Variants in KLC1 observed in about 807,000 individuals in gnomAD.
KLC1 encodes the protein kinesin 2 60/70kDa.
A neutral mutation model predicts 84.2 loss-of-function variants in KLC1; 30 were observed. That is an observed-to-expected ratio of 0.36 (90% CI 0.27 to 0.48). The LOEUF (loss-of-function observed/expected upper bound fraction) is 0.48, where lower values mean the gene tolerates loss of function less well. KLC1 is among the 20% of genes least tolerant of loss of function. The pLI is 0.99. For missense variants in KLC1, 499 were observed against 805.4 expected, an observed-to-expected ratio of 0.62 and a Z score of 4.60; for synonymous variants, 289 against 293.3, an observed-to-expected ratio of 0.99 and a Z score of 0.15.
intron 15 of KLC1, chr14:103,696,093 C>CGGGGGGGGG (rs1189283194): frequency 6.2e-5 from 8 of 129,306 alleles, no homozygotes; most frequent in South Asian, 3.2e-4. Flanking sequence ...AATCACTGCG[C>CGGGGGGGGG]CCCCGCCCCC....
chr14:103,697,603 G>A (rs2082661926), intron 15 of KLC1: 1 of 152,232 alleles, frequency 6.6e-6, no homozygotes, highest in South Asian at 2.1e-4. Flanking sequence ...ACAGCAAGAA[G>A]CAGGTCCTGG....
intron 1 of KLC1, among the ~76,000 whole-genome samples, chr14:103,648,453 G>T (rs1219469033): frequency 6.6e-6 from 1 of 152,036 alleles, no homozygotes. Flanking sequence ...CTCAGAATGT[G>T]GTAGTACGAA....
At chr14:103,681,865 T>G (rs1448941973) in intron 13 of KLC1, among the ~76,000 whole-genome samples, 1 of 152,238 alleles carries the variant, frequency 6.6e-6, no homozygotes, top group Non-Finnish European at 1.5e-5. Context: ...TTGTCTGATT[T>G]AAATATTAAC....
intron 1 of KLC1, among the ~76,000 whole-genome samples, chr14:103,643,234 C>T (rs1267605825): frequency 3.3e-5 from 5 of 152,164 alleles, no homozygotes; most frequent in Non-Finnish European, 7.4e-5. Flanking sequence ...GTAGATTCTT[C>T]CATCTTCCAG....
chr14:103,697,119 A>G (rs191502403), intron 15 of KLC1: 472 of 985,394 alleles, frequency 4.8e-4, no homozygotes, highest in Admixed American at 1.7e-3. Flanking sequence ...CTTATGTTCA[A>G]TTACAGAAAT....
At chr14:103,685,374 T>G (rs2081703196) in intron 13 of KLC1, 1 of 1,215,326 alleles carries the variant, frequency 8.2e-7, no homozygotes, top group Non-Finnish European at 1.0e-6. Flanking sequence ...GTTGCCAATC[T>G]TTACGCTTAA....
At chr14:103,691,414 TCTCCCAAAGTG>T (rs755059179) in intron 14 of KLC1, among the ~76,000 whole-genome samples, 21 of 143,700 alleles carry the variant, frequency 1.5e-4, no homozygotes, top group Non-Finnish European at 2.4e-4. Context: ...CCCGCCTCAG[TCTCCCAAAGTG>T]CTGGGATTAC....
intron 15 of KLC1, chr14:103,699,933 C>T (rs1470239023): frequency 2.8e-6 from 1 of 357,152 alleles, no homozygotes; most frequent in African/African-American, 2.1e-5. Flanking sequence ...GTTTCACCCT[C>T]TCCCCCTCAC....
intron 1 of KLC1, among the ~76,000 whole-genome samples, chr14:103,646,491 T>C (rs947227962): frequency 2.0e-5 from 3 of 152,066 alleles, no homozygotes; most frequent in Non-Finnish European, 2.9e-5. Flanking sequence ...AATTAAAATA[T>C]TATATGTATG....
intron 11 of KLC1, among the ~76,000 whole-genome samples, chr14:103,676,468 G>A (rs1227935961): frequency 1.3e-5 from 2 of 152,112 alleles, no homozygotes; most frequent in East Asian, 3.9e-4. Flanking sequence ...GTTTCACCGT[G>A]TTGGCCAGGC....
chr14:103,699,052 G>C, intron 15 of KLC1: 3 of 1,566,156 alleles, frequency 1.9e-6, no homozygotes, highest in Non-Finnish European at 2.6e-6. Context: ...TGGCGCTCAG[G>C]CTTGGTGGCC....
intron 5 of KLC1, among the ~76,000 whole-genome samples, chr14:103,669,159 G>A (rs892207842): frequency 3.3e-5 from 5 of 151,742 alleles, no homozygotes; most frequent in Admixed American, 1.3e-4. Context: ...TAGTGAGGCC[G>A]GGCACGATGG....
intron 1 of KLC1, among the ~76,000 whole-genome samples, chr14:103,630,435 A>T (rs1490962772): frequency 6.6e-6 from 1 of 152,210 alleles, no homozygotes; most frequent in East Asian, 1.9e-4. Context: ...GATGTTTTTT[A>T]AAAATGTGAG....
chr14:103,651,417 C>A (rs1485070556), intron 1 of KLC1, among the ~76,000 whole-genome samples: 2 of 151,722 alleles, frequency 1.3e-5, no homozygotes, highest in Admixed American at 1.3e-4. Context: ...AGTTATTAAT[C>A]TGGAATTCAT....
chr14:103,645,472 A>G (rs2077846581), intron 1 of KLC1, among the ~76,000 whole-genome samples: 1 of 152,166 alleles, frequency 6.6e-6, no homozygotes, highest in Admixed American at 6.6e-5. Flanking sequence ...TTCTTAGTTT[A>G]AAGCATCCAC....
At chr14:103,649,955 A>G (rs1205769654) in intron 1 of KLC1, among the ~76,000 whole-genome samples, 1 of 152,098 alleles carries the variant, frequency 6.6e-6, no homozygotes, top group African/African-American at 2.4e-5. Context: ...TCCACCTCCC[A>G]AAGTGCTGGG....
chr14:103,635,894 C>T (rs567276402), intron 1 of KLC1, among the ~76,000 whole-genome samples: 9 of 152,086 alleles, frequency 5.9e-5, no homozygotes, highest in South Asian at 2.1e-4. Context: ...TTTTGCTTCG[C>T]GGTATAAGCT....
At chr14:103,685,403 G>A in intron 13 of KLC1, 1 of 1,194,710 alleles carries the variant, frequency 8.4e-7, no homozygotes, top group Non-Finnish European at 1.1e-6. Context: ...CATTTACTTT[G>A]ATGACCATTG....
chr14:103,652,281 GT>G (rs752802039), intron 1 of KLC1, among the ~76,000 whole-genome samples: 1 of 152,090 alleles, frequency 6.6e-6, no homozygotes, highest in Non-Finnish European at 1.5e-5. Context: ...GTCCTTAAGT[GT>G]TTTCTTTCAC....
Sources: gnomAD v4.1 joint callset for allele counts (sites outside exome capture counted in the v4.1 genomes callset) on GRCh38, gnomAD v4.1.1 for gene constraint, MANE v1.5 for transcripts, NCBI Gene and HGNC (gene_info 2026-07-23, HGNC 2026-07-21) for gene names.